The following SGCD variants were observed in gnomAD, a reference collection of about 807,000 sequenced individuals.
SGCD encodes delta-sarcoglycan.
In SGCD, 18 loss-of-function variants were observed where a neutral mutation model predicts 36.6. That is an observed-to-expected ratio of 0.49 (90% confidence interval 0.34 to 0.73). The LOEUF is 0.73. SGCD is among the 30% of genes least tolerant of loss of function. The pLI is 0.01. For synonymous variants in SGCD, 133 were observed against 130.6 expected (o/e 1.02, Z -0.12); for missense variants, 387 against 346.7 (o/e 1.12, Z -0.92).
intron 3 of SGCD, among the ~76,000 whole-genome samples, chr5:156,134,117 C>G (rs900470049): frequency 6.6e-6 from 1 of 152,024 alleles, no homozygotes; most frequent in African/African-American, 2.4e-5. Context: ...TTTCCCCCTT[C>G]AACTTGTTTA....
the SGCD span, among the ~76,000 whole-genome samples, chr5:155,826,977 C>CA: frequency 6.6e-6 from 1 of 152,136 alleles, no homozygotes; most frequent in African/African-American, 2.4e-5. Flanking sequence ...TGGATTCAAC[C>CA]AAAACATTTG....
chr5:155,909,099 G>A (rs569953591), intron 1 of SGCD, among the ~76,000 whole-genome samples: 1 of 152,158 alleles, frequency 6.6e-6, no homozygotes, highest in East Asian at 1.9e-4. Flanking sequence ...CTCTGAGAGG[G>A]TGGGGAATAA....
At chr5:155,728,168 C>G in the SGCD span, among the ~76,000 whole-genome samples, 1 of 152,150 alleles carries the variant, frequency 6.6e-6, no homozygotes, top group Non-Finnish European at 1.5e-5. Context: ...TGCAGCCTCT[C>G]CCCGCCGCCC....
At chr5:156,536,100 G>T (rs1758098081) in intron 4 of SGCD, among the ~76,000 whole-genome samples, 1 of 151,974 alleles carries the variant, frequency 6.6e-6, no homozygotes, top group African/African-American at 2.4e-5. Flanking sequence ...CATTTGTCAG[G>T]GTACTAGCCA....
the SGCD span, among the ~76,000 whole-genome samples, chr5:155,744,513 T>C: frequency 5.9e-5 from 9 of 152,056 alleles, no homozygotes; most frequent in African/African-American, 2.2e-4. Flanking sequence ...TAAAAAGCAA[T>C]TATTTAAAAT....
chr5:155,749,003 A>G, the SGCD span, among the ~76,000 whole-genome samples: 5 of 152,202 alleles, frequency 3.3e-5, no homozygotes, highest in African/African-American at 1.2e-4. Context: ...TAATAATGAC[A>G]ACTGTGGTTT....
chr5:155,899,327 A>G (rs777734734), intron 1 of SGCD, among the ~76,000 whole-genome samples: 7 of 152,236 alleles, frequency 4.6e-5, no homozygotes, highest in Non-Finnish European at 7.3e-5. Context: ...ATGAGAATGC[A>G]TGTAAATAAT....
chr5:155,939,742 C>G (rs144779021), intron 1 of SGCD, among the ~76,000 whole-genome samples: 1 of 151,498 alleles, frequency 6.6e-6, no homozygotes, highest in South Asian at 2.1e-4. Context: ...GGCCTTGACA[C>G]TTGGCTAAAA....
the SGCD span, among the ~76,000 whole-genome samples, chr5:155,768,888 A>G: frequency 3.9e-5 from 6 of 152,164 alleles, no homozygotes; most frequent in African/African-American, 1.4e-4. Flanking sequence ...CTCTCTGGAA[A>G]GGTTTAGTTG....
chr5:155,955,252 T>G lies in SGCD; in HGVS notation c.-282+84828T>G, dbSNP rs150559791. 2.7e-3 allele frequency among the ~76,000 whole-genome samples: 415 copies of G among 152,214 alleles called. 2 individuals carry two copies. Among genetic ancestry groups the G allele is most frequent in the African/African-American group, 8.9e-3 (370 of 41,538 alleles). The stretch of plus-strand genomic sequence containing the variant: ...GCCCGGTCAAATTGACACACAAAAT[T>G]AACCATGACACACTCCGTAAGTATT... On this transcript the variant is annotated intron_variant, in intron 1 of 9. Transcript: ENST00000517913.
intron 3 of SGCD, among the ~76,000 whole-genome samples, chr5:156,215,270 C>T (rs1764543202): frequency 6.6e-6 from 1 of 152,024 alleles, no homozygotes; most frequent in Non-Finnish European, 1.5e-5. Context: ...TGATATTGAT[C>T]TGGATAATGA....
chr5:155,738,757 A>G, the SGCD span, among the ~76,000 whole-genome samples: 55 of 124,088 alleles, frequency 4.4e-4, no homozygotes, highest in African/African-American at 2.0e-3. Context: ...TGAGTGTAAG[A>G]GAGTGTGAGA....
chr5:156,632,985 C>T (rs1207102330), intron 6 of SGCD, among the ~76,000 whole-genome samples: 3 of 121,570 alleles, frequency 2.5e-5, no homozygotes, highest in African/African-American at 6.5e-5. Context: ...AATTTATATA[C>T]GTTCAGTCAA....
At chr5:156,562,271 G>T (rs974321385) in intron 4 of SGCD, among the ~76,000 whole-genome samples, 3 of 152,172 alleles carry the variant, frequency 2.0e-5, no homozygotes, top group East Asian at 3.9e-4. Flanking sequence ...GATATGAAGG[G>T]CCCGGGTGAG....
At chr5:155,824,242 G>A in the SGCD span, among the ~76,000 whole-genome samples, 1 of 152,110 alleles carries the variant, frequency 6.6e-6, no homozygotes, top group Non-Finnish European at 1.5e-5. Context: ...GGGGAGCAAG[G>A]CTGTTTGGAT....
At chr5:155,756,403 C>G in the SGCD span, among the ~76,000 whole-genome samples, 4 of 152,172 alleles carry the variant, frequency 2.6e-5, no homozygotes, top group African/African-American at 9.7e-5. Context: ...TGCCTTGTTG[C>G]TGGATAGCAG....
intron 4 of SGCD, among the ~76,000 whole-genome samples, chr5:156,516,437 G>T (rs550212386): frequency 3.3e-5 from 5 of 152,250 alleles, no homozygotes; most frequent in African/African-American, 1.2e-4. Context: ...TACAGAAGAG[G>T]GGCCTGACTG....
chr5:156,023,070 C>T (rs1044155363), intron 1 of SGCD, among the ~76,000 whole-genome samples: 8 of 152,188 alleles, frequency 5.3e-5, no homozygotes, highest in Non-Finnish European at 7.4e-5. Context: ...CTCCATGACC[C>T]ACACAGTGAT....
At chr5:156,527,734 C>G (rs1315185685) in intron 4 of SGCD, among the ~76,000 whole-genome samples, 1 of 152,162 alleles carries the variant, frequency 6.6e-6, no homozygotes, top group Non-Finnish European at 1.5e-5. Flanking sequence ...CAAATCCAAA[C>G]CAGCTGGAAG....
Sources: allele counts gnomAD v4.1 joint callset (sites outside exome capture counted in the v4.1 genomes callset), GRCh38; gene constraint gnomAD v4.1.1; transcripts MANE v1.5; gene names NCBI Gene and HGNC (gene_info 2026-07-23, HGNC 2026-07-21).